The following STK40 variants were observed in gnomAD, a reference collection of about 807,000 sequenced individuals.
The protein encoded by STK40 is serine/threonine kinase 40.
STK40 carries 13 observed loss-of-function variants against 47.9 expected under a neutral mutation model. The observed-to-expected ratio is 0.27, with a 90% CI of 0.18 to 0.43. STK40 has a LOEUF of 0.43. Ranked by LOEUF, STK40 falls within the 20% of genes least tolerant of loss-of-function variation. STK40 has a pLI of 1.00. For synonymous variants in STK40, 225 were observed against 243.2 expected, an observed-to-expected ratio of 0.93 and a Z score of 0.69; for missense variants, 460 against 595.1, an observed-to-expected ratio of 0.77 and a Z score of 2.36.
chr1:36,379,332 C>G (rs1647020227), intron 1 of STK40, among the ~76,000 whole-genome samples: 1 of 152,046 alleles, frequency 6.6e-6, no homozygotes, highest in South Asian at 2.1e-4. Flanking sequence ...TTCTGGGGAG[C>G]CTGAACTCAC....
chr1:36,342,129 C>T (rs1378402889), intron 10 of STK40, 156 bp from the exon 11 acceptor site: 8 of 723,696 alleles, frequency 1.1e-5, no homozygotes, highest in Middle Eastern at 3.9e-4. Flanking sequence ...GTGGGAGTGG[C>T]GCTGAGGGTG....
chr1:36,371,638 T>C (rs1364147083), intron 1 of STK40, among the ~76,000 whole-genome samples: 1 of 133,108 alleles, frequency 7.5e-6, no homozygotes. Context: ...GATCATGTGA[T>C]CCTGCCACTG....
chr1:36,350,889 G>C (rs1022742475), intron 6 of STK40, among the ~76,000 whole-genome samples: 18 of 152,220 alleles, frequency 1.2e-4, no homozygotes, highest in African/African-American at 4.3e-4. Flanking sequence ...CTCTCCACAG[G>C]AAGTGGCACG....
In STK40 at chr1:36,373,041, C is replaced by G. The variant is rs115452369; in HGVS notation, c.-8-11701G>C. On this transcript the variant is annotated intron_variant, in intron 1 of 10. Coordinates refer to ENST00000373132, the MANE Select transcript of STK40 (RefSeq NM_001282547.2). The stretch of plus-strand genomic sequence containing the variant: ...GTTACGCAAATGCCAACTGGGATAG[C>G]AAGATGGATTTGGGGGTCATGGAGG... Among the ~76,000 whole-genome samples the G allele has an allele frequency of 5.5e-3, 836 of 152,268 alleles. 4 individuals are homozygous for G. The highest frequency in any genetic ancestry group is 0.019 in the African/African-American group (802 of 41,536).
chr1:36,348,570 A>G, intron 7 of STK40, 130 bp downstream of exon 7: 1 of 727,016 alleles, frequency 1.4e-6, no homozygotes, highest in African/African-American at 1.7e-5. Flanking sequence ...GGGGAGGGAC[A>G]GTACTGGTCT....
chr1:36,366,244 G>A (rs557563037), intron 1 of STK40, among the ~76,000 whole-genome samples: 1 of 152,280 alleles, frequency 6.6e-6, no homozygotes, highest in South Asian at 2.1e-4. Flanking sequence ...CAATCAGTGG[G>A]CTCAGCCTGA....
At position 36,348,720 on chromosome 1, in the gene STK40, A is replaced by G. The variant is rs1223152443; in HGVS notation, c.719T>C (p.Ile240Thr). The change falls in exon 7 of 11, where the codon ATC becomes ACC. Residue 240 changes from isoleucine to threonine, a missense_variant. Coordinates refer to ENST00000373132, the MANE Select transcript of STK40 (RefSeq NM_001282547.2). ...CGTACCGCTGAGCACGTCGGGACTGATGTAGGCAGGGCTCCCTCTCTGGTC... is the reference window on the plus strand; with the variant it reads ...CGTACCGCTGAGCACGTCGGGACTGGTGTAGGCAGGGCTCCCTCTCTGGTC... ...LKDQRGSPAY[I>T]SPDVLSGRPY... 6.2e-7 allele frequency: 1 copy of G among 1,609,872 alleles called. No individual in the cohort carries two copies. Among genetic ancestry groups the G allele is most frequent in the Admixed American group, 1.7e-5 (1 of 59,624 alleles).
At chr1:36,384,845 T>C (rs914447228) in intron 1 of STK40, among the ~76,000 whole-genome samples, 3 of 152,186 alleles carry the variant, frequency 2.0e-5, no homozygotes, top group African/African-American at 7.2e-5. Context: ...TGCTCTTCCT[T>C]ATCTCACGCA....
At chr1:36,366,268 C>T (rs761101046) in intron 1 of STK40, among the ~76,000 whole-genome samples, 1 of 152,222 alleles carries the variant, frequency 6.6e-6, no homozygotes, top group African/African-American at 2.4e-5. Context: ...GCCCCTCCCC[C>T]ATCTCAGGAT....
intron 5 of STK40, 71 bp downstream of exon 5, chr1:36,355,135 C>CTTCT: frequency 6.6e-7 from 1 of 1,508,846 alleles, no homozygotes; most frequent in Non-Finnish European, 9.1e-7. Flanking sequence ...ACAGAGCTGC[C>CTTCT]TTCTGCTCAG....
chr1:36,341,709 G>T lies in STK40; in HGVS notation c.*46C>A, dbSNP rs1462394253. On this transcript the variant is annotated 3_prime_UTR_variant, in exon 11 of 11. Transcript: ENST00000373132. ...GCCCTGACAGCCACGCCTTTGGCTGGGGCTGGAAGAAGTGGCAGCAGTGCT... is the reference window on the plus strand; with the variant it reads ...GCCCTGACAGCCACGCCTTTGGCTGTGGCTGGAAGAAGTGGCAGCAGTGCT... 6.2e-7 allele frequency: 1 copy of T among 1,600,284 alleles called. No homozygotes were observed. Among genetic ancestry groups the T allele is most frequent in the South Asian group, 1.1e-5 (1 of 90,416 alleles).
intron 1 of STK40, among the ~76,000 whole-genome samples, chr1:36,383,243 C>T (rs1394127527): frequency 6.6e-6 from 1 of 152,230 alleles, no homozygotes; most frequent in African/African-American, 2.4e-5. Context: ...CATACCCGGC[C>T]TCAAATAACC....
intron 2 of STK40, among the ~76,000 whole-genome samples, chr1:36,360,044 C>A (rs1215364617): frequency 6.6e-6 from 1 of 152,178 alleles, no homozygotes; most frequent in Non-Finnish European, 1.5e-5. Flanking sequence ...CTCACGTCAT[C>A]GTGGAACTTC....
intron 6 of STK40, 143 bp downstream of exon 6, chr1:36,354,221 T>A: frequency 1.2e-6 from 1 of 831,760 alleles, no homozygotes; most frequent in Non-Finnish European, 2.0e-6. Flanking sequence ...GTTCATCCCA[T>A]CCCGAGCCCT....
intron 1 of STK40, among the ~76,000 whole-genome samples, chr1:36,370,343 C>G (rs558848773): frequency 6.6e-6 from 1 of 152,214 alleles, no homozygotes; most frequent in Middle Eastern, 3.2e-3. Flanking sequence ...TGAGTGGCAG[C>G]CTGGCCTGTC....
intron 7 of STK40, 72 bp from the exon 8 acceptor site, chr1:36,344,336 C>G: frequency 6.7e-7 from 1 of 1,501,072 alleles, no homozygotes; most frequent in Non-Finnish European, 8.9e-7. Context: ...GGAATCCCAC[C>G]TGGGACCCTC....
chr1:36,378,840 T>C (rs1570468682), intron 1 of STK40, among the ~76,000 whole-genome samples: 2 of 152,258 alleles, frequency 1.3e-5, no homozygotes, highest in Admixed American at 1.3e-4. Context: ...ACTATGAAAC[T>C]TACCCCAAAC....
intron 10 of STK40, chr1:36,342,689 G>A: frequency 6.2e-6 from 1 of 161,954 alleles, no homozygotes; most frequent in Non-Finnish European, 1.3e-5. Context: ...AAGGGTGGAA[G>A]CTGGAGGTGG....
intron 10 of STK40, chr1:36,343,005 T>C (rs1646668791): frequency 3.4e-6 from 2 of 595,526 alleles, no homozygotes; most frequent in African/African-American, 1.9e-5. Context: ...AAATGAATCA[T>C]CTGAAAAATG....
Sources: gnomAD v4.1 joint callset for allele counts (sites outside exome capture counted in the v4.1 genomes callset) on GRCh38, gnomAD v4.1.1 for gene constraint, MANE v1.5 for transcripts, NCBI Gene and HGNC (gene_info 2026-07-23, HGNC 2026-07-21) for gene names.